EPB41L4A: variants seen among roughly 807,000 people sequenced by gnomAD.
EPB41L4A encodes band 4.1-like protein 4A.
In EPB41L4A, 100 loss-of-function variants were observed where a neutral mutation model predicts 108.6. The observed-to-expected ratio is 0.92, with a 90% CI of 0.78 to 1.09. The LOEUF is 1.09. EPB41L4A is among the 50% of genes least tolerant of loss of function. The pLI, the probability that EPB41L4A is intolerant of heterozygous loss-of-function variation, is 0.00. For missense variants in EPB41L4A, 1,030 were observed against 842.7 expected (o/e 1.22, Z -2.75); for synonymous variants, 319 against 289.0 (o/e 1.10, Z -1.05).
chr5:112,203,455 G>A (rs1272201197), intron 15 of EPB41L4A, among the ~76,000 whole-genome samples: 2 of 152,220 alleles, frequency 1.3e-5, no homozygotes, highest in African/African-American at 4.8e-5. Flanking sequence ...TCCCTGCCAT[G>A]TAGGAGTGAA....
intron 9 of EPB41L4A, among the ~76,000 whole-genome samples, chr5:112,252,283 G>A (rs1331467521): frequency 6.6e-6 from 1 of 152,042 alleles, no homozygotes; most frequent in Non-Finnish European, 1.5e-5. Context: ...ATATATGAAA[G>A]CATTATTCCC....
chr5:112,268,130 C>A (rs1291987380), intron 4 of EPB41L4A, among the ~76,000 whole-genome samples: 1 of 152,194 alleles, frequency 6.6e-6, no homozygotes, highest in Non-Finnish European at 1.5e-5. Context: ...GCCTGTAATC[C>A]CAGCACTGTG....
chr5:112,196,503 A>G lies in EPB41L4A; in HGVS notation c.1377-795T>C, dbSNP rs147315647. ...CCATTCTTCCTTTTCTTTGACCCCA[A>G]TAAGACTATCTATTGACCTGGCTAC... is the stretch of plus-strand genomic sequence containing the variant. On this transcript the variant is annotated intron_variant, in intron 15 of 22. Transcript: ENST00000261486. 9.3e-3 allele frequency among the ~76,000 whole-genome samples: 1,413 copies of G among 152,284 alleles called. 9 individuals carry two copies. The highest frequency in any genetic ancestry group is 0.017 in the Middle Eastern group (5 of 294).
chr5:112,314,846 C>G (rs562865472), intron 1 of EPB41L4A, among the ~76,000 whole-genome samples: 1 of 152,214 alleles, frequency 6.6e-6, no homozygotes, highest in South Asian at 2.1e-4. Flanking sequence ...CAGTTTTCTT[C>G]TGACCATTTC....
At chr5:112,405,343 C>G (rs1762018626) in intron 1 of EPB41L4A, among the ~76,000 whole-genome samples, 1 of 152,166 alleles carries the variant, frequency 6.6e-6, no homozygotes, top group African/African-American at 2.4e-5. Flanking sequence ...TCATGCGAGA[C>G]CTGGAACCAG....
chr5:112,414,150 G>C (rs1762572907), intron 1 of EPB41L4A, among the ~76,000 whole-genome samples: 1 of 152,080 alleles, frequency 6.6e-6, no homozygotes. Context: ...AATCACTGCA[G>C]GTATTGTTTT....
intron 13 of EPB41L4A, chr5:112,144,020 C>T (rs1451963857): frequency 3.3e-6 from 1 of 303,118 alleles, no homozygotes; most frequent in East Asian, 9.0e-5. Context: ...GGACTTGAAG[C>T]CTATAGTCCA....
chr5:112,291,369 C>G (rs1432022542), intron 2 of EPB41L4A, among the ~76,000 whole-genome samples: 4 of 152,208 alleles, frequency 2.6e-5, no homozygotes, highest in African/African-American at 7.2e-5. Flanking sequence ...CCTTATCACT[C>G]CAGCCTCGGT....
chr5:112,330,513 T>C (rs894868135), intron 1 of EPB41L4A, among the ~76,000 whole-genome samples: 8 of 152,154 alleles, frequency 5.3e-5, no homozygotes, highest in African/African-American at 1.9e-4. Flanking sequence ...CTTGCATGCA[T>C]CCTGTATTTA....
chr5:112,194,568 C>T lies in EPB41L4A; in HGVS notation c.1502G>A (p.Arg501Lys). Residue 501 changes from arginine to lysine, a missense_variant and splice_region_variant, in exon 17 of 23, where the codon AGA (arginine) becomes AAA (lysine). Physicochemically the swap from Arg to Lys is conservative, Grantham distance 26. Transcript: ENST00000261486. ...SNREYRKKRN[R>K]IRQENDMVDS... ...GTTAATTATAATATTGAGATATTAC[C>T]TGTTTCTCTTTTTCCGGTATTCTCT... 6.4e-7 allele frequency: 1 copy of T among 1,554,184 alleles called. No homozygotes were observed. The highest frequency in any genetic ancestry group is 1.1e-5 in the South Asian group (1 of 87,176).
rs1262140587 is a variant in EPB41L4A, at chr5:112,162,918, G to A, written c.*2072C>T. On this transcript the variant is annotated 3_prime_UTR_variant, in exon 23 of 23. Transcript: ENST00000261486. ...GTCCACTTACTTTTGAGACAGTTTT[G>A]GCTGCTTTCCCTCTTCAGTGCCCTG... 2 of 152,158 alleles carry A rather than the reference G, an allele frequency of 1.3e-5. No homozygotes were observed. Among genetic ancestry groups the A allele is most frequent in the East Asian group, 1.9e-4 (1 of 5,200 alleles). 9.4% of individuals were successfully genotyped at this position (152,158 alleles called of 1,614,324 possible).
chr5:112,157,224 C>A (rs1759682160), intron 12 of EPB41L4A, among the ~76,000 whole-genome samples: 1 of 151,506 alleles, frequency 6.6e-6, no homozygotes, highest in African/African-American at 2.4e-5. Context: ...TATTGATAAA[C>A]CACCTTAGAG....
intron 9 of EPB41L4A, among the ~76,000 whole-genome samples, chr5:112,251,385 A>C (rs1168546346): frequency 6.6e-6 from 1 of 152,212 alleles, no homozygotes; most frequent in Non-Finnish European, 1.5e-5. Context: ...CTAAATATTC[A>C]AGCATAAGAG....
chr5:112,251,059 GA>G (rs1299250872), intron 9 of EPB41L4A, among the ~76,000 whole-genome samples: 1 of 152,122 alleles, frequency 6.6e-6, no homozygotes, highest in Non-Finnish European at 1.5e-5. Context: ...CACGAAATCT[GA>G]AAGACTCCAA....
chr5:112,248,604 C>G (rs1268670952), intron 9 of EPB41L4A, among the ~76,000 whole-genome samples: 1 of 152,162 alleles, frequency 6.6e-6, no homozygotes, highest in Non-Finnish European at 1.5e-5. Context: ...CCCCCAATTC[C>G]ATCATTTGTA....
chr5:112,336,484 T>A (rs1057165462), intron 1 of EPB41L4A, among the ~76,000 whole-genome samples: 4 of 152,024 alleles, frequency 2.6e-5, no homozygotes, highest in African/African-American at 9.7e-5. Context: ...GGCTTCAAAG[T>A]GGGGTGATTC....
chr5:112,282,205 A>T (rs1753006615), intron 2 of EPB41L4A, among the ~76,000 whole-genome samples: 1 of 152,196 alleles, frequency 6.6e-6, no homozygotes, highest in Admixed American at 6.5e-5. Flanking sequence ...TCATTCAAGT[A>T]GAGTAAAATC....
chr5:112,148,096 A>T (rs1275596906), intron 12 of EPB41L4A, among the ~76,000 whole-genome samples: 1 of 147,844 alleles, frequency 6.8e-6, no homozygotes, highest in Non-Finnish European at 1.5e-5. Flanking sequence ...TATTACTATA[A>T]TATAATAGTA....
intron 1 of EPB41L4A, among the ~76,000 whole-genome samples, chr5:112,400,836 A>C (rs999774582): frequency 1.3e-5 from 2 of 152,146 alleles, no homozygotes; most frequent in Non-Finnish European, 2.9e-5. Context: ...CATTTACTGA[A>C]CACCACTGGG....
Sources: gnomAD v4.1 joint callset for allele counts (sites outside exome capture counted in the v4.1 genomes callset) on GRCh38, gnomAD v4.1.1 for gene constraint, MANE v1.5 for transcripts, NCBI Gene and HGNC (gene_info 2026-07-23, HGNC 2026-07-21) for gene names.